The following DYNC1I1 variants were observed in gnomAD, a reference collection of about 807,000 sequenced individuals.
The protein encoded by DYNC1I1 is cytoplasmic dynein 1 intermediate chain 1.
DYNC1I1 carries 43 observed loss-of-function variants against 86.6 expected under a neutral mutation model. The observed-to-expected ratio is 0.50, with a 90% CI of 0.39 to 0.64. DYNC1I1 has a LOEUF of 0.64. Among genes scored for constraint, DYNC1I1 ranks in the 30% least tolerant of loss-of-function variants. DYNC1I1 has a pLI of 0.00. For missense variants in DYNC1I1, 604 were observed against 788.8 expected (o/e 0.77, Z 2.81); for synonymous variants, 262 against 283.7 (o/e 0.92, Z 0.77).
intron 6 of DYNC1I1, among the ~76,000 whole-genome samples, chr7:95,897,717 A>G (rs988087849): frequency 7.7e-5 from 11 of 142,874 alleles, no homozygotes; most frequent in Non-Finnish European, 1.5e-4. Flanking sequence ...AATGTGTTCC[A>G]AACCCTTATA....
chr7:95,859,987 T>C (rs1383739481), intron 5 of DYNC1I1, among the ~76,000 whole-genome samples: 2 of 152,202 alleles, frequency 1.3e-5, no homozygotes, highest in South Asian at 2.1e-4. Flanking sequence ...CTGTCCCTTT[T>C]GCCCTCTTCA....
chr7:95,989,028 C>G (rs1435455524), intron 9 of DYNC1I1, among the ~76,000 whole-genome samples: 1 of 152,156 alleles, frequency 6.6e-6, no homozygotes, highest in Non-Finnish European at 1.5e-5. Flanking sequence ...GCTTCTGGAT[C>G]TGAAACTAAA....
At chr7:96,086,553 T>C (rs571559527) in intron 16 of DYNC1I1, among the ~76,000 whole-genome samples, 14 of 152,318 alleles carry the variant, frequency 9.2e-5, no homozygotes, top group African/African-American at 3.1e-4. Context: ...TGCATAAATC[T>C]TTAAATTTGA....
At chr7:95,920,265 C>A (rs528262111) in intron 6 of DYNC1I1, among the ~76,000 whole-genome samples, 5 of 152,246 alleles carry the variant, frequency 3.3e-5, no homozygotes, top group East Asian at 1.9e-4. Context: ...ACCCACAAAC[C>A]CCGTCTAATC....
chr7:95,953,764 GTTGT>G (rs2116486579), intron 6 of DYNC1I1, among the ~76,000 whole-genome samples: 1 of 152,292 alleles, frequency 6.6e-6, no homozygotes, highest in East Asian at 1.9e-4. Flanking sequence ...GTTCTTGCTA[GTTGT>G]TTGAGTCACT....
intron 1 of DYNC1I1, among the ~76,000 whole-genome samples, chr7:95,782,680 G>A (rs1158244456): frequency 6.6e-6 from 1 of 152,184 alleles, no homozygotes; most frequent in African/African-American, 2.4e-5. Flanking sequence ...TTTTAACCCT[G>A]TCCTCTTGGT....
chr7:96,101,488 G>A (rs553877966), downstream of DYNC1I1, among the ~76,000 whole-genome samples: 79 of 152,244 alleles, frequency 5.2e-4, no homozygotes, highest in Admixed American at 2.5e-3. Context: ...TTCCCCAAAA[G>A]GACCTATGGG....
At chr7:95,837,802 A>T (rs1454684216) in intron 5 of DYNC1I1, among the ~76,000 whole-genome samples, 3 of 152,268 alleles carry the variant, frequency 2.0e-5, no homozygotes, top group African/African-American at 7.2e-5. Flanking sequence ...TTCCCCAGTG[A>T]GGCAATGCCT....
At chr7:95,836,386 T>C (rs13226353) in intron 5 of DYNC1I1, among the ~76,000 whole-genome samples, 1 of 150,676 alleles carries the variant, frequency 6.6e-6, no homozygotes, top group Non-Finnish European at 1.5e-5. Flanking sequence ...CCTTTCTCTC[T>C]GGCTGCCCTT....
rs547615226 is a variant in DYNC1I1 at position 95,935,643 on chromosome 7, A to C, written c.491-41869A>C. ...AAGCTTATGCACAGCAAAGGAAACA[A>C]TCAACAGCGTGAAAAAGCAACCTAA... On this transcript the variant is annotated intron_variant, in intron 6 of 16. Transcript: ENST00000447467. Among the ~76,000 whole-genome samples the C allele has an allele frequency of 7.2e-5, 11 of 152,216 alleles. No individual in the cohort carries two copies. In the South Asian group the frequency reaches 2.3e-3, roughly 32 times the overall value.
chr7:95,995,116 C>A (rs1988397), intron 9 of DYNC1I1, among the ~76,000 whole-genome samples: 1 of 151,650 alleles, frequency 6.6e-6, no homozygotes, highest in East Asian at 1.9e-4. Context: ...GCGTGGTGGC[C>A]GGCGCCTGTA....
At chr7:95,881,002 A>C (rs1790443019) in intron 6 of DYNC1I1, among the ~76,000 whole-genome samples, 1 of 152,012 alleles carries the variant, frequency 6.6e-6, no homozygotes, top group African/African-American at 2.4e-5. Flanking sequence ...TTTGGATGCT[A>C]TTTATTTAGT....
intron 11 of DYNC1I1, among the ~76,000 whole-genome samples, chr7:96,030,085 C>T (rs928209416): frequency 2.6e-5 from 4 of 151,730 alleles, no homozygotes; most frequent in Non-Finnish European, 5.9e-5. Flanking sequence ...GACTGTCTTT[C>T]AACTTTCACT....
At chr7:95,951,172 G>C (rs1792542578) in intron 6 of DYNC1I1, among the ~76,000 whole-genome samples, 1 of 152,178 alleles carries the variant, frequency 6.6e-6, no homozygotes, top group Non-Finnish European at 1.5e-5. Flanking sequence ...TTTTTAAGCA[G>C]TGTATTTGAC....
chr7:95,786,137 G>GA (rs979306661), intron 1 of DYNC1I1, among the ~76,000 whole-genome samples: 1 of 151,970 alleles, frequency 6.6e-6, no homozygotes, highest in Non-Finnish European at 1.5e-5. Flanking sequence ...CCAAAGGGCA[G>GA]AAAAAAATAG....
At chr7:96,086,440 G>A (rs571172840) in intron 16 of DYNC1I1, among the ~76,000 whole-genome samples, 3 of 152,184 alleles carry the variant, frequency 2.0e-5, no homozygotes, top group Non-Finnish European at 2.9e-5. Flanking sequence ...AGTAGGATTT[G>A]AAGAATAAAA....
intron 6 of DYNC1I1, among the ~76,000 whole-genome samples, chr7:95,886,444 GC>G (rs1487026382): frequency 6.7e-6 from 1 of 150,152 alleles, no homozygotes; most frequent in Non-Finnish European, 1.5e-5. Context: ...AAAAAATAAA[GC>G]AAAACAAAAC....
chr7:96,076,539 T>G (rs1790346892), intron 15 of DYNC1I1, among the ~76,000 whole-genome samples: 1 of 152,008 alleles, frequency 6.6e-6, no homozygotes, highest in South Asian at 2.1e-4. Context: ...GGCAAATACT[T>G]GGAAAAGAAA....
At chr7:96,060,270 G>T (rs1789726380) in intron 14 of DYNC1I1, among the ~76,000 whole-genome samples, 1 of 152,016 alleles carries the variant, frequency 6.6e-6, no homozygotes. Context: ...TCCTGGATGT[G>T]GTCTCTTCCC....
Sources: gnomAD v4.1 joint callset for allele counts (sites outside exome capture counted in the v4.1 genomes callset) on GRCh38, gnomAD v4.1.1 for gene constraint, MANE v1.5 for transcripts, NCBI Gene and HGNC (gene_info 2026-07-23, HGNC 2026-07-21) for gene names.